The following SLC2A12 variants were observed in gnomAD, a reference collection of about 807,000 sequenced individuals.
SLC2A12 encodes the protein solute carrier family 2, facilitated glucose transporter member 12.
Under a neutral mutation model 41.8 loss-of-function variants are expected in SLC2A12, and 23 were observed. The ratio of observed to expected loss-of-function variants is 0.55; its 90% CI spans 0.40 to 0.78. The LOEUF (loss-of-function observed/expected upper bound fraction) is 0.78. Among genes scored for constraint, SLC2A12 ranks in the 30% least tolerant of loss-of-function variants. SLC2A12 has a pLI of 0.00. For missense variants in SLC2A12, 654 were observed against 745.6 expected (o/e 0.88, Z 1.43); for synonymous variants, 295 against 285.9 (o/e 1.03, Z -0.32).
rs1256117738 is a variant in SLC2A12, at chr6:134,029,416, G to A, written c.409C>T (p.Arg137Cys). ...SLSYTVLIVG[R>C]IAIGVSISLS... ...GAGATGGAGACCCCTATGGCAATGCGTCCCACTATAAGAACCGTGTAGGAT... is the reference window on the plus strand; with the variant it reads ...GAGATGGAGACCCCTATGGCAATGCATCCCACTATAAGAACCGTGTAGGAT... The change falls in exon 2 of 5, where the codon CGC (arginine) becomes TGC (cysteine). Residue 137 changes from arginine (R) to cysteine (C), a missense_variant. Physicochemically the swap from Arg to Cys is radical, Grantham distance 180 (BLOSUM62 -3). Around this residue, in one of 3 missense-constraint regions of SLC2A12, gnomAD observed 411 missense variants for 412.1 expected, o/e 1.00. Transcript: ENST00000275230. 7 of 1,614,008 alleles carry A rather than the reference G, an allele frequency of 4.3e-6. No individual in the cohort carries two copies. The highest frequency in any genetic ancestry group is 2.2e-5 in the East Asian group (1 of 44,878).
chr6:134,023,376 C>T (rs1230740871), intron 2 of SLC2A12, among the ~76,000 whole-genome samples: 2 of 152,144 alleles, frequency 1.3e-5, no homozygotes, highest in African/African-American at 2.4e-5. Flanking sequence ...AGCATCGCTC[C>T]GAGTGGCAGG....
At chr6:134,051,983 G>C (rs775478886) in intron 1 of SLC2A12, among the ~76,000 whole-genome samples, 2 of 152,176 alleles carry the variant, frequency 1.3e-5, no homozygotes, top group Non-Finnish European at 2.9e-5. Context: ...GTGTAAGCAA[G>C]CGTGTGCTTG....
At chr6:134,044,716 A>C (rs1265134254) in intron 1 of SLC2A12, among the ~76,000 whole-genome samples, 2 of 139,776 alleles carry the variant, frequency 1.4e-5, no homozygotes, top group South Asian at 2.2e-4. Context: ...CTCCGTCTAA[A>C]AAAAAAAAAA....
At chr6:134,029,855 A>G in intron 1 of SLC2A12, 134 bp from the exon 2 acceptor site, 1 of 1,132,142 alleles carries the variant, frequency 8.8e-7, no homozygotes, top group South Asian at 1.8e-5. Flanking sequence ...TTATGATAAA[A>G]TAATACACTA....
chr6:134,016,790 T>C (rs769690937), intron 2 of SLC2A12, among the ~76,000 whole-genome samples: 1 of 152,214 alleles, frequency 6.6e-6, no homozygotes, highest in African/African-American at 2.4e-5. Context: ...GATCTTTTAG[T>C]ACTATTATCA....
At chr6:134,051,551 T>C (rs1773684588) in intron 1 of SLC2A12, among the ~76,000 whole-genome samples, 3 of 152,230 alleles carry the variant, frequency 2.0e-5, no homozygotes, top group Admixed American at 2.0e-4. Flanking sequence ...TCATTTCATA[T>C]TACAATTACT....
chr6:134,023,634 A>G (rs1446813055), intron 2 of SLC2A12, among the ~76,000 whole-genome samples: 1 of 152,268 alleles, frequency 6.6e-6, no homozygotes, highest in Non-Finnish European at 1.5e-5. Context: ...AGCCTTTATA[A>G]TGCATTAGCA....
chr6:134,000,209 T>G (rs139608329), intron 4 of SLC2A12, among the ~76,000 whole-genome samples: 7 of 152,336 alleles, frequency 4.6e-5, no homozygotes, highest in African/African-American at 1.7e-4. Context: ...CAAAAAAAAT[T>G]AGCCTTATAA....
intron 4 of SLC2A12, among the ~76,000 whole-genome samples, chr6:133,993,825 T>C (rs9493790): frequency 0.24 from 37,183 of 152,050 alleles, 8,255 homozygotes; most frequent in African/African-American, 0.59. Flanking sequence ...TTGAGCATGC[T>C]TGATGTGTCT....
rs1200820596 is a variant in SLC2A12, at chr6:134,052,521, G to GC, written c.-42dup. On this transcript the variant is annotated 5_prime_UTR_variant, in exon 1 of 5. The change abolishes the stop of an existing upstream ORF in the 5' untranslated region. Coordinates refer to ENST00000275230, the MANE Select transcript of SLC2A12 (RefSeq NM_145176.3). ...ACAGCCGCTTCCCCGCCACCAAACC[G>GC]CCCCGACCACCCCCGCTCCCAGGAG... is the stretch of plus-strand genomic sequence containing the variant. 4 of 1,522,696 alleles carry GC rather than the reference G, an allele frequency of 2.6e-6. No homozygotes were observed. The highest frequency in any genetic ancestry group is 3.6e-6 in the Non-Finnish European group (4 of 1,102,350). 94.3% of individuals were successfully genotyped at this position (1,522,696 alleles called of 1,614,324 possible).
intron 2 of SLC2A12, among the ~76,000 whole-genome samples, chr6:134,008,167 G>A (rs1776837590): frequency 6.6e-6 from 1 of 152,144 alleles, no homozygotes; most frequent in East Asian, 1.9e-4. Flanking sequence ...GCCAGGGAGA[G>A]GCCGCTCTGG....
At chr6:134,048,579 A>AAAC (rs1271897252) in intron 1 of SLC2A12, among the ~76,000 whole-genome samples, 3 of 152,202 alleles carry the variant, frequency 2.0e-5, no homozygotes, top group Non-Finnish European at 4.4e-5. Context: ...AGAAAAAACA[A>AAAC]AACAACAACA....
intron 2 of SLC2A12, among the ~76,000 whole-genome samples, chr6:134,022,791 G>A (rs1002189313): frequency 1.3e-5 from 2 of 152,170 alleles, no homozygotes; most frequent in Non-Finnish European, 2.9e-5. Flanking sequence ...AAACAAAATG[G>A]AGTCAGGAGG....
intron 1 of SLC2A12, among the ~76,000 whole-genome samples, chr6:134,040,371 G>A (rs1021757675): frequency 2.0e-5 from 3 of 152,122 alleles, no homozygotes; most frequent in South Asian, 2.1e-4. Context: ...GAGCCACCAC[G>A]CCAGGTCTCA....
At chr6:134,005,485 C>G (rs1442077722) in intron 3 of SLC2A12, among the ~76,000 whole-genome samples, 1 of 151,498 alleles carries the variant, frequency 6.6e-6, no homozygotes, top group Non-Finnish European at 1.5e-5. Flanking sequence ...AAGTGAAACC[C>G]CATCTCTACT....
At chr6:134,032,446 AT>A (rs1562201674) in intron 1 of SLC2A12, among the ~76,000 whole-genome samples, 1,818 of 46,382 alleles carry the variant, frequency 0.039, 26 homozygotes, top group Non-Finnish European at 0.063. Flanking sequence ...ATATATATAT[AT>A]AAATATATAT....
At chr6:134,016,459 A>G (rs754024663) in intron 2 of SLC2A12, among the ~76,000 whole-genome samples, 2 of 151,866 alleles carry the variant, frequency 1.3e-5, no homozygotes, top group Non-Finnish European at 2.9e-5. Context: ...TACTGGGGCT[A>G]GGAGAACCTG....
chr6:133,994,466 G>C (rs529752608), intron 4 of SLC2A12, among the ~76,000 whole-genome samples: 6 of 152,170 alleles, frequency 3.9e-5, no homozygotes, highest in Non-Finnish European at 7.3e-5. Flanking sequence ...GGTGGCTCAC[G>C]CCTGTAATCC....
chr6:133,995,615 G>T (rs1042986422), intron 4 of SLC2A12, among the ~76,000 whole-genome samples: 1 of 152,202 alleles, frequency 6.6e-6, no homozygotes, highest in Non-Finnish European at 1.5e-5. Flanking sequence ...AAGGTCCGTG[G>T]TCATGATGGA....
Sources: gnomAD v4.1 joint callset for allele counts (sites outside exome capture counted in the v4.1 genomes callset) on GRCh38, gnomAD v4.1.1 for gene constraint, gnomAD v4.1.1 regional missense constraint, MANE v1.5 for transcripts, NCBI Gene and HGNC (gene_info 2026-07-23, HGNC 2026-07-21) for gene names.